Variants in CAMKMT observed in about 807,000 individuals in gnomAD.
CAMKMT encodes the protein calmodulin-lysine N-methyltransferase, also known as CaM KMT.
CAMKMT carries 53 observed loss-of-function variants against 48.0 expected under a neutral mutation model. That is an observed-to-expected ratio of 1.10 (90% CI 0.89 to 1.39). The LOEUF (loss-of-function observed/expected upper bound fraction) is 1.39. Among genes scored for constraint, CAMKMT ranks in the 40% most tolerant of loss-of-function variants. The pLI, the probability that CAMKMT is intolerant of heterozygous loss-of-function variation, is 0.00. For missense variants in CAMKMT, 428 were observed against 402.7 expected (o/e 1.06, Z -0.54); for synonymous variants, 165 against 152.3 (o/e 1.08, Z -0.61).
chr2:44,433,440 G>A (rs1471491702), intron 3 of CAMKMT, among the ~76,000 whole-genome samples: 3 of 151,842 alleles, frequency 2.0e-5, no homozygotes, highest in Non-Finnish European at 4.4e-5. Context: ...TAAGCATTTT[G>A]TGATCTTAGG....
At chr2:44,463,763 A>G (rs984455804) in intron 3 of CAMKMT, among the ~76,000 whole-genome samples, 1 of 152,224 alleles carries the variant, frequency 6.6e-6, no homozygotes, top group African/African-American at 2.4e-5. Flanking sequence ...TTGGGAATTT[A>G]CATGCAGAGA....
intron 3 of CAMKMT, among the ~76,000 whole-genome samples, chr2:44,691,817 C>A (rs1371441023): frequency 6.6e-6 from 1 of 152,168 alleles, no homozygotes; most frequent in Non-Finnish European, 1.5e-5. Context: ...GCCTCATAGT[C>A]CCTGGGCAGC....
chr2:44,468,823 GTGGGAGGATTGCTTGAGC>G (rs1309756136), intron 3 of CAMKMT, among the ~76,000 whole-genome samples: 1 of 152,194 alleles, frequency 6.6e-6, no homozygotes, highest in Non-Finnish European at 1.5e-5. Context: ...GGAGGCTGAG[GTGGGAGGATTGCTTGAGC>G]TGGGAGGTTG....
intron 3 of CAMKMT, among the ~76,000 whole-genome samples, chr2:44,449,084 A>C (rs559735639): frequency 6.6e-6 from 1 of 152,164 alleles, no homozygotes; most frequent in African/African-American, 2.4e-5. Context: ...ACAAAAAACT[A>C]TTAAGTTGTA....
chr2:44,366,370 A>G (rs982391988), intron 1 of CAMKMT, among the ~76,000 whole-genome samples: 4 of 152,234 alleles, frequency 2.6e-5, no homozygotes, highest in African/African-American at 9.6e-5. Flanking sequence ...TCACTGATCT[A>G]TATCAAGTAT....
chr2:44,574,885 C>T (rs1021963123), intron 3 of CAMKMT, among the ~76,000 whole-genome samples: 4 of 151,730 alleles, frequency 2.6e-5, no homozygotes, highest in African/African-American at 9.7e-5. Flanking sequence ...GGACTACAGG[C>T]ATGAGCCACC....
intron 3 of CAMKMT, among the ~76,000 whole-genome samples, chr2:44,672,199 A>G (rs947150222): frequency 2.6e-5 from 4 of 151,994 alleles, no homozygotes; most frequent in Non-Finnish European, 5.9e-5. Context: ...TACTCTTTGG[A>G]TGTATAATGG....
chr2:44,730,200 C>G (rs1679007103), intron 7 of CAMKMT, among the ~76,000 whole-genome samples: 1 of 152,176 alleles, frequency 6.6e-6, no homozygotes, highest in Admixed American at 6.5e-5. Context: ...TTCATTCCAG[C>G]CTCCAAACCC....
chr2:44,634,777 T>C (rs1470501870), intron 3 of CAMKMT, among the ~76,000 whole-genome samples: 2 of 116,492 alleles, frequency 1.7e-5, no homozygotes, highest in South Asian at 5.7e-4. Flanking sequence ...GTTTTATAGG[T>C]ATTCTCCAGG....
chr2:44,765,520 A>T (rs1423874127), intron 9 of CAMKMT, among the ~76,000 whole-genome samples: 4 of 140,960 alleles, frequency 2.8e-5, no homozygotes, highest in Admixed American at 7.0e-5. Context: ...AGCCATCTTT[A>T]TTTTTTTTTT....
At chr2:44,415,542 G>A (rs1053903435) in intron 3 of CAMKMT, among the ~76,000 whole-genome samples, 2 of 152,112 alleles carry the variant, frequency 1.3e-5, no homozygotes, top group Admixed American at 6.5e-5. Flanking sequence ...ATTTCTTTGA[G>A]TCTTTTTCTT....
chr2:44,500,464 C>G (rs1669951786), intron 3 of CAMKMT, among the ~76,000 whole-genome samples: 1 of 151,622 alleles, frequency 6.6e-6, no homozygotes, highest in Non-Finnish European at 1.5e-5. Context: ...TTGTAGTCAT[C>G]TAGTTTATAA....
chr2:44,629,161 A>G (rs1364541755), intron 3 of CAMKMT, among the ~76,000 whole-genome samples: 1 of 152,108 alleles, frequency 6.6e-6, no homozygotes, highest in Non-Finnish European at 1.5e-5. Flanking sequence ...ATTTCTGTTT[A>G]TTTCTATCAG....
chr2:44,613,767 T>C (rs1671721908), intron 3 of CAMKMT, among the ~76,000 whole-genome samples: 4 of 152,174 alleles, frequency 2.6e-5, no homozygotes, highest in Admixed American at 2.0e-4. Context: ...CATAGGGAGA[T>C]TAAGTCCATA....
intron 3 of CAMKMT, among the ~76,000 whole-genome samples, chr2:44,465,568 C>A (rs78473219): frequency 8.1e-3 from 1,076 of 133,028 alleles, no homozygotes; most frequent in African/African-American, 8.5e-3. Context: ...TGTACTCTGT[C>A]AAAAAAAAAA....
At chr2:44,613,313 T>C (rs1042112327) in intron 3 of CAMKMT, among the ~76,000 whole-genome samples, 2 of 152,188 alleles carry the variant, frequency 1.3e-5, no homozygotes, top group Non-Finnish European at 2.9e-5. Context: ...CTTTCTTGAA[T>C]GCCATACCCC....
chr2:44,648,268 A>G (rs1020852676), intron 3 of CAMKMT, among the ~76,000 whole-genome samples: 3 of 152,314 alleles, frequency 2.0e-5, no homozygotes, highest in Middle Eastern at 3.4e-3. Context: ...TGTCAGCAAC[A>G]ATTACTCCTG....
At chr2:44,771,576 C>A (rs769997008) in intron 10 of CAMKMT, among the ~76,000 whole-genome samples, 34 of 152,268 alleles carry the variant, frequency 2.2e-4, no homozygotes, top group Non-Finnish European at 3.5e-4. Context: ...AGAGCCTTTG[C>A]AGTGTCTTGG....
At chr2:44,434,720 G>A (rs1360424803) in intron 3 of CAMKMT, among the ~76,000 whole-genome samples, 1 of 152,192 alleles carries the variant, frequency 6.6e-6, no homozygotes, top group African/African-American at 2.4e-5. Flanking sequence ...CAGAGATGCT[G>A]TAAATTCCTC....
Sources: gnomAD v4.1 joint callset for allele counts (sites outside exome capture counted in the v4.1 genomes callset) on GRCh38, gnomAD v4.1.1 for gene constraint, MANE v1.5 for transcripts, NCBI Gene and HGNC (gene_info 2026-07-23, HGNC 2026-07-21) for gene names.